ELAVL3: variants seen among roughly 807,000 people sequenced by gnomAD.
ELAVL3 encodes the protein ELAV-like protein 3.
A neutral mutation model predicts 34.2 loss-of-function variants in ELAVL3; 8 were observed. The observed-to-expected ratio is 0.23, with a 90% confidence interval of 0.14 to 0.42. ELAVL3 has a LOEUF of 0.42. Ranked by LOEUF, ELAVL3 falls within the 10% of genes least tolerant of loss-of-function variation. The pLI, the probability that ELAVL3 is intolerant of heterozygous loss-of-function variation, is 1.00. For missense variants in ELAVL3, 273 were observed against 518.8 expected, an observed-to-expected ratio of 0.53 and a Z score of 4.60; for synonymous variants, 209 against 222.1, an observed-to-expected ratio of 0.94 and a Z score of 0.53.
At chr19:11,472,856 A>G (rs1197570592) in intron 1 of ELAVL3, among the ~76,000 whole-genome samples, 1 of 152,048 alleles carries the variant, frequency 6.6e-6, no homozygotes, top group East Asian at 1.9e-4. Flanking sequence ...GCCAGAGGTC[A>G]GGAGTTTGAG....
At chr19:11,455,142 G>A (rs750945546) in intron 6 of ELAVL3, among the ~76,000 whole-genome samples, 1 of 151,808 alleles carries the variant, frequency 6.6e-6, no homozygotes, top group Non-Finnish European at 1.5e-5. Context: ...GGGACTGTAG[G>A]CAGGCGCCCT....
At position 11,466,795 on chromosome 19, in the gene ELAVL3, C is replaced by G. The variant is rs762581021; in HGVS notation, c.42G>C (p.Gly14=). ...QILGAMESQV[G]GGPAGPALPN... ...GCAGGGCCGGGCCGGCCGGGCCCCC[C>G]CCCACCTGAGACTCCATGGCCCCCA... Residue 14 remains glycine, a synonymous_variant, in exon 2 of 7, where the codon GGG becomes GGC. Transcript: ENST00000359227. The surrounding 1 kb of genome is among the most constrained non-coding windows in gnomAD (Gnocchi z 5.0). 5.1e-5 allele frequency: 83 copies of G among 1,611,702 alleles called. No homozygotes were observed. The highest frequency in any genetic ancestry group is 6.4e-5 in the Non-Finnish European group (76 of 1,178,912).
chr19:11,476,371 T>C (rs1359248946), intron 1 of ELAVL3, among the ~76,000 whole-genome samples: 3 of 151,948 alleles, frequency 2.0e-5, no homozygotes, highest in Admixed American at 2.0e-4. Context: ...AGATCTTGTT[T>C]CCACCAAAAA....
At chr19:11,479,769 C>CTA (rs1354820351) in intron 1 of ELAVL3, among the ~76,000 whole-genome samples, 1 of 151,680 alleles carries the variant, frequency 6.6e-6, no homozygotes, top group Non-Finnish European at 1.5e-5. Flanking sequence ...GAGCGCGGGG[C>CTA]TAGCGGTGCG....
intron 3 of ELAVL3, among the ~76,000 whole-genome samples, chr19:11,462,191 AAG>A (rs1291724035): frequency 6.6e-6 from 1 of 151,694 alleles, no homozygotes; most frequent in Non-Finnish European, 1.5e-5. Flanking sequence ...AAAAAAAAAA[AAG>A]AAATAACTAG....
In ELAVL3 at chr19:11,466,309, C is replaced by T. The variant is rs777442311; in HGVS notation, c.230-34G>A. 8 of 1,589,830 alleles carry T rather than the reference C, an allele frequency of 5.0e-6. No homozygotes were observed. In the South Asian group the frequency reaches 5.5e-5, roughly 11 times the overall value. On this transcript the variant is annotated intron_variant, in intron 2 of 6. Transcript: ENST00000359227. This position sits in a 1 kb window ranked among gnomAD's most constrained non-coding sequence, Gnocchi z 5.0. The stretch of plus-strand genomic sequence containing the variant: ...AGAACCAGAATGATGACCTTCCCAC[C>T]CAGCCTTGACACCTGCCAGTGTCCC...
chr19:11,467,936 C>T (rs948736905), intron 1 of ELAVL3, among the ~76,000 whole-genome samples: 1 of 152,166 alleles, frequency 6.6e-6, no homozygotes, highest in African/African-American at 2.4e-5. Flanking sequence ...ACAATAGGCG[C>T]ATGCCACCAT....
At chr19:11,470,598 A>G (rs1229631179) in intron 1 of ELAVL3, among the ~76,000 whole-genome samples, 2 of 151,654 alleles carry the variant, frequency 1.3e-5, no homozygotes, top group Admixed American at 6.6e-5. Context: ...AATCGCTTGA[A>G]CCTGGGAGGC....
In ELAVL3 at chr19:11,468,885, CT is replaced by C. The variant is rs796799605; in HGVS notation, c.10-2059del. Reference sequence around the variant, plus strand: ...AAAAAAGGATGTTGAATTTTATTGACTTTTTTTTTACATCAATTGAAACCAT... The same window carrying C: ...AAAAAAGGATGTTGAATTTTATTGACTTTTTTTTACATCAATTGAAACCAT... On this transcript the variant is annotated intron_variant, in intron 1 of 6. Transcript: ENST00000359227. 4.0e-3 allele frequency among the ~76,000 whole-genome samples: 602 copies of C among 151,190 alleles called. 3 individuals carry two copies. Among genetic ancestry groups the C allele is most frequent in the African/African-American group, 0.014 (574 of 41,274 alleles).
intron 1 of ELAVL3, among the ~76,000 whole-genome samples, chr19:11,478,489 C>T (rs1971305208): frequency 6.6e-6 from 1 of 152,172 alleles, no homozygotes; most frequent in South Asian, 2.1e-4. Context: ...ACTTCGGCGA[C>T]TGGCCCCAGA....
intron 3 of ELAVL3, among the ~76,000 whole-genome samples, chr19:11,465,658 C>A (rs925349354): frequency 1.3e-5 from 2 of 152,048 alleles, no homozygotes; most frequent in Non-Finnish European, 2.9e-5. Context: ...CACCCCCAGG[C>A]GAACCCAGAG....
In ELAVL3 at chr19:11,466,550, A is replaced by G; in HGVS notation, c.229+58T>C. 1 of 1,575,918 alleles carries G rather than the reference A, an allele frequency of 6.3e-7. No individual in the cohort carries two copies. Among genetic ancestry groups the G allele is most frequent in the African/African-American group, 1.4e-5 (1 of 71,808 alleles). The stretch of plus-strand genomic sequence containing the variant: ...AGCAAGGGTCCCACCTGCCCCCATC[A>G]CCTCTGTATTTCTGAGGCTACCACC... On this transcript the variant is annotated intron_variant, in intron 2 of 6. Transcript: ENST00000359227. The surrounding 1 kb of genome is among the most constrained non-coding windows in gnomAD (Gnocchi z 5.0).
intron 5 of ELAVL3, 113 bp from the exon 6 acceptor site, chr19:11,457,261 C>A: frequency 8.6e-7 from 1 of 1,162,774 alleles, no homozygotes; most frequent in Non-Finnish European, 1.2e-6. Context: ...AGAGCCCTGC[C>A]CCCGCCTGCC....
intron 1 of ELAVL3, among the ~76,000 whole-genome samples, chr19:11,478,417 G>C (rs940374794): frequency 6.6e-6 from 1 of 152,110 alleles, no homozygotes; most frequent in South Asian, 2.1e-4. Context: ...AGCCACACCC[G>C]CCCTGCCCCA....
chr19:11,464,644 TACAC>T (rs1185567657), intron 3 of ELAVL3, among the ~76,000 whole-genome samples: 13 of 62,578 alleles, frequency 2.1e-4, no homozygotes, highest in African/African-American at 8.4e-4. Context: ...ACACCACACA[TACAC>T]ATACATGACA....
chr19:11,463,256 C>T (rs905608929), intron 3 of ELAVL3, among the ~76,000 whole-genome samples: 7 of 152,124 alleles, frequency 4.6e-5, no homozygotes, highest in East Asian at 3.9e-4. Flanking sequence ...GGGCCTGGCC[C>T]GCGGCAGGCA....
intron 1 of ELAVL3, among the ~76,000 whole-genome samples, chr19:11,469,469 G>A (rs891849051): frequency 6.6e-6 from 1 of 151,812 alleles, no homozygotes; most frequent in African/African-American, 2.4e-5. Flanking sequence ...TAGTAGAGGC[G>A]GGGTTTCTCC....
At position 11,464,123 on chromosome 19, in the gene ELAVL3, G is replaced by GTCTCTCTCTGTCTCTCTC. The variant is rs1317749325; in HGVS notation, c.333+2048_333+2049insGAGAGAGACAGAGAGAGA. 2.6e-3 allele frequency among the ~76,000 whole-genome samples: 290 copies of GTCTCTCTCTGTCTCTCTC among 110,886 alleles called. 4 individuals carry two copies. Among genetic ancestry groups the GTCTCTCTCTGTCTCTCTC allele is most frequent in the African/African-American group, 0.011 (276 of 24,866 alleles). 72.7% of individuals were successfully genotyped at this position (110,886 alleles called of 152,430 possible). ...CCTCTCTCTCTCTCTGTCTCTCTCT[G>GTCTCTCTCTGTCTCTCTC]TCTCTCTCTCTCTCTCTCTCTCTCT... is the stretch of plus-strand genomic sequence containing the variant. On this transcript the variant is annotated intron_variant, in intron 3 of 6. Coordinates refer to ENST00000359227, the MANE Select transcript of ELAVL3 (RefSeq NM_001420.4).
In ELAVL3 at chr19:11,480,287, A is replaced by T. The variant is rs1037055902; in HGVS notation, c.9+313T>A. The T allele has an allele frequency of 1.6e-4, 54 of 334,446 alleles. No individual in the cohort carries two copies. Among genetic ancestry groups the T allele is most frequent in the Non-Finnish European group, 2.5e-4 (46 of 184,582 alleles). The allele number at this position is 334,446 out of a possible 1,614,324, so 20.7% of individuals were successfully genotyped here. A position where few individuals can be genotyped will look rare whatever the true frequency, so the allele number is the denominator to read the frequency against. On this transcript the variant is annotated intron_variant, in intron 1 of 6. Coordinates refer to ENST00000359227, the MANE Select transcript of ELAVL3 (RefSeq NM_001420.4). This position sits in a 1 kb window ranked among gnomAD's most constrained non-coding sequence, Gnocchi z 6.8. ...GGGTCTGGGCCTGGATGGAGGAAGC[A>T]TCCTTAGCCGCCGCGGCCCCTCCCC...
Sources: gnomAD v4.1 joint callset for allele counts (sites outside exome capture counted in the v4.1 genomes callset) on GRCh38, gnomAD v4.1.1 for gene constraint, Gnocchi (gnomAD v3.1) non-coding constraint, MANE v1.5 for transcripts, NCBI Gene and HGNC (gene_info 2026-07-23, HGNC 2026-07-21) for gene names.